Variants in LDHA observed in about 807,000 individuals in gnomAD.
LDHA encodes the protein lactate dehydrogenase A, also known as L-lactate dehydrogenase A chain.
LDHA carries 10 observed loss-of-function variants against 36.3 expected under a neutral mutation model. That is an observed-to-expected ratio of 0.28 (90% confidence interval 0.17 to 0.47). The LOEUF is 0.47. LDHA is among the 20% of genes least tolerant of loss of function. The pLI is 0.99. For synonymous variants in LDHA, 110 were observed against 136.7 expected (o/e 0.80, Z 1.36); for missense variants, 267 against 405.8 (o/e 0.66, Z 2.94).
In LDHA at chr11:18,405,447, A is replaced by G; in HGVS notation, c.711-2A>G. 3 of 1,613,070 alleles carry G rather than the reference A, an allele frequency of 1.9e-6. No homozygotes were observed. Among genetic ancestry groups the G allele is most frequent in the Non-Finnish European group, 2.5e-6 (3 of 1,179,826 alleles). ...CTTTACCTATGGTTTCCTATCATAC[A>G]GTGCTTATGAGGTGATCAAACTCAA... On this transcript the variant is annotated splice_acceptor_variant, in intron 6 of 7. Transcript: ENST00000422447. LOFTEE classifies it high-confidence loss of function.
chr11:18,402,251 G>T (rs147553361), intron 4 of LDHA, among the ~76,000 whole-genome samples: 1 of 150,288 alleles, frequency 6.7e-6, no homozygotes. Context: ...CACCGTGCCC[G>T]GGCCCATAAT....
rs1019026057 is a variant in LDHA, at chr11:18,400,464, C to G, written c.245-373C>G. 526 of 285,892 alleles carry G rather than the reference C, an allele frequency of 1.8e-3. 12 individuals are homozygous for G. In the East Asian group the frequency reaches 0.037, roughly 20 times the overall value. 17.7% of individuals were successfully genotyped at this position (285,892 alleles called of 1,614,324 possible). On this transcript the variant is annotated intron_variant, in intron 3 of 7. Transcript: ENST00000422447. ...ACACACACACACACACACACACACA[C>G]ACACACACACACACACACGAAATTG...
chr11:18,399,641 G>C, intron 3 of LDHA, 93 bp downstream of exon 3: 1 of 927,982 alleles, frequency 1.1e-6, no homozygotes, highest in East Asian at 2.4e-5. Context: ...GAGTGCAGTT[G>C]CACAATTATG....
At chr11:18,403,583 C>A (rs1727242550) in intron 5 of LDHA, 111 bp from the exon 6 acceptor site, 2 of 795,490 alleles carry the variant, frequency 2.5e-6, no homozygotes, top group Non-Finnish European at 4.5e-6. Flanking sequence ...TCTTGACCAT[C>A]TACCAAAATT....
At chr11:18,397,980 C>T (rs1266886747) in intron 2 of LDHA, among the ~76,000 whole-genome samples, 1 of 152,130 alleles carries the variant, frequency 6.6e-6, no homozygotes, top group Non-Finnish European at 1.5e-5. Flanking sequence ...GGAAAGGCCA[C>T]ATAATACACC....
chr11:18,403,132 G>A lies in LDHA; in HGVS notation c.592+119G>A, dbSNP rs1373454029. The A allele has an allele frequency of 7.5e-5, 61 of 813,820 alleles. 1 individual carries two copies. The highest frequency in any genetic ancestry group is 6.9e-4 in the East Asian group (26 of 37,412). The allele number at this position is 813,820 out of a possible 1,614,324, so 50.4% of individuals were successfully genotyped here. A position where few individuals can be genotyped will look rare whatever the true frequency, so the allele number is the denominator to read the frequency against. Reference sequence around the variant, plus strand: ...ATTCAGTAGGATGGAATGGTTTCCCGAAATCTAGCATTTTGTATAATTATA... The same window carrying A: ...ATTCAGTAGGATGGAATGGTTTCCCAAAATCTAGCATTTTGTATAATTATA... On this transcript the variant is annotated intron_variant, in intron 5 of 7. Coordinates refer to ENST00000422447, the MANE Select transcript of LDHA (RefSeq NM_005566.4).
At chr11:18,399,875 G>A in intron 3 of LDHA, 1 of 306,414 alleles carries the variant, frequency 3.3e-6, no homozygotes, top group Non-Finnish European at 6.3e-6. Flanking sequence ...GATTGCAGGT[G>A]TGAACCACTG....
chr11:18,404,763 G>A (rs994200459), intron 6 of LDHA, among the ~76,000 whole-genome samples: 11 of 139,140 alleles, frequency 7.9e-5, no homozygotes, highest in East Asian at 2.1e-4. Flanking sequence ...AGCCGAGATC[G>A]CGCCACTGCA....
rs750319408 is a variant in LDHA, at chr11:18,407,946, A to C, written c.*665A>C. On this transcript the variant is annotated 3_prime_UTR_variant, in exon 8 of 8. Coordinates refer to ENST00000422447, the MANE Select transcript of LDHA (RefSeq NM_005566.4). ...TAGGCTATTCTTGGGCAACCCTGCA[A>C]CGATTTTTTCTAACAGGGATATTAT... 6 of 454,046 alleles carry C rather than the reference A, an allele frequency of 1.3e-5. No individual in the cohort carries two copies. The highest frequency in any genetic ancestry group is 2.6e-5 in the Non-Finnish European group (6 of 226,810). The allele number at this position is 454,046 out of a possible 1,614,324, so 28.1% of individuals were successfully genotyped here. A position where few individuals can be genotyped will look rare whatever the true frequency, so the allele number is the denominator to read the frequency against.
chr11:18,402,285 T>C (rs180853582), intron 4 of LDHA, among the ~76,000 whole-genome samples: 91 of 151,994 alleles, frequency 6.0e-4, no homozygotes, highest in Non-Finnish European at 1.1e-3. Flanking sequence ...ATAAACAGTT[T>C]ATTTTCATAA....
intron 3 of LDHA, chr11:18,400,482 C>CACACACACACACAT (rs1418975031): frequency 5.8e-6 from 2 of 343,732 alleles, no homozygotes; most frequent in African/African-American, 2.2e-5. Context: ...CACACACACA[C>CACACACACACACAT]GAAATTGCCT....
intron 4 of LDHA, 60 bp from the exon 5 acceptor site, chr11:18,402,780 T>C: frequency 7.8e-7 from 1 of 1,278,476 alleles, no homozygotes; most frequent in Non-Finnish European, 1.1e-6. Context: ...ATAGTAGGTA[T>C]ATCTTTTTTG....
chr11:18,394,617 C>G lies in LDHA; in HGVS notation c.-44C>G. 1 of 454,168 alleles carries G rather than the reference C, an allele frequency of 2.2e-6. No individual in the cohort carries two copies. The highest frequency in any genetic ancestry group is 4.4e-6 in the Non-Finnish European group (1 of 226,804). The allele number at this position is 454,168 out of a possible 1,614,324, so 28.1% of individuals were successfully genotyped here. A position where few individuals can be genotyped will look rare whatever the true frequency, so the allele number is the denominator to read the frequency against. On this transcript the variant is annotated 5_prime_UTR_variant, in exon 1 of 8. Coordinates refer to ENST00000422447, the MANE Select transcript of LDHA (RefSeq NM_005566.4). Reference sequence around the variant, plus strand: ...TCTCATTGCCACGCGCCCCCGACGACCGCCCGACGTGCATTCCCGGTACGG... The same window carrying G: ...TCTCATTGCCACGCGCCCCCGACGAGCGCCCGACGTGCATTCCCGGTACGG...
Position 18,405,555 on chromosome 11 carries a change from G to T in LDHA, c.817G>T (p.Val273Phe). The T allele has an allele frequency of 6.2e-7, 1 of 1,613,982 alleles. No homozygotes were observed. The highest frequency in any genetic ancestry group is 8.5e-7 in the Non-Finnish European group (1 of 1,179,922). ...GAAGAATCTTAGGCGGGTGCACCCA[G>T]TTTCCACCATGATTAAGGTAGGTCT... ...IMKNLRRVHP[V>F]STMIKGLYGI... is the part of the protein sequence containing the mutation. Residue 273 changes from valine to phenylalanine, a missense_variant, in exon 7 of 8, where the codon GTT becomes TTT. Val to Phe is a conservative substitution (Grantham distance 50, BLOSUM62 -1). Coordinates refer to ENST00000422447, the MANE Select transcript of LDHA (RefSeq NM_005566.4).
chr11:18,403,020 A>G lies in LDHA; in HGVS notation c.592+7A>G, dbSNP rs770770614. ...GAACATGGAGATTCCAGTGGTAAGC[A>G]TAAGTTATTTTCTTTTTGTTTTTGA... On this transcript the variant is annotated splice_region_variant and intron_variant, in intron 5 of 7. Coordinates refer to ENST00000422447, the MANE Select transcript of LDHA (RefSeq NM_005566.4). 1.9e-6 allele frequency: 3 copies of G among 1,612,106 alleles called. No homozygotes were observed. The highest frequency in any genetic ancestry group is 8.5e-7 in the Non-Finnish European group (1 of 1,178,168).
chr11:18,407,882 G>C lies in LDHA; in HGVS notation c.*601G>C, dbSNP rs759661874. On this transcript the variant is annotated 3_prime_UTR_variant, in exon 8 of 8. Transcript: ENST00000422447. ...TTAATTCATTATATTAAGATATAAA[G>C]TCATAAAGCTGCTAGTTATTATATT... The C allele has an allele frequency of 3.7e-5, 17 of 453,952 alleles. No individual in the cohort carries two copies. The allele number at this position is 453,952 out of a possible 1,614,324, so 28.1% of individuals were successfully genotyped here.
intron 1 of LDHA, chr11:18,396,442 G>T (rs1866305760): frequency 2.2e-6 from 1 of 458,904 alleles, no homozygotes; most frequent in South Asian, 8.9e-5. Flanking sequence ...CGTATCTCTG[G>T]TGTTTACTTG....
rs540241819 is a variant in LDHA, at chr11:18,402,252, G to A, written c.419-588G>A. On this transcript the variant is annotated intron_variant, in intron 4 of 7. Transcript: ENST00000422447. ...TTACAGGCGTGAGCCACCGTGCCCGGGCCCATAATTGTCTCTTAGTTGATA... is the reference window on the plus strand; with the variant it reads ...TTACAGGCGTGAGCCACCGTGCCCGAGCCCATAATTGTCTCTTAGTTGATA... 2.6e-3 allele frequency among the ~76,000 whole-genome samples: 394 copies of A among 151,850 alleles called. 3 individuals carry two copies. The highest frequency in any genetic ancestry group is 8.8e-3 in the African/African-American group (365 of 41,424).
In LDHA at chr11:18,394,619, G is replaced by T. The variant is rs1866223342; in HGVS notation, c.-42G>T. On this transcript the variant is annotated 5_prime_UTR_variant, in exon 1 of 8. Transcript: ENST00000422447. ...TCATTGCCACGCGCCCCCGACGACC[G>T]CCCGACGTGCATTCCCGGTACGGTA... 2.2e-6 allele frequency: 1 copy of T among 453,990 alleles called. No individual in the cohort carries two copies. The highest frequency in any genetic ancestry group is 4.4e-6 in the Non-Finnish European group (1 of 226,790). 28.1% of individuals were successfully genotyped at this position (453,990 alleles called of 1,614,324 possible).
Sources: gnomAD v4.1 joint callset for allele counts (sites outside exome capture counted in the v4.1 genomes callset) on GRCh38, gnomAD v4.1.1 for gene constraint, MANE v1.5 for transcripts, NCBI Gene and HGNC (gene_info 2026-07-23, HGNC 2026-07-21) for gene names.